Variants in LCLAT1 observed in about 807,000 individuals in gnomAD.
LCLAT1 encodes 1-AGP acyltransferase 8.
Under a neutral mutation model 30.7 loss-of-function variants are expected in LCLAT1, and 11 were observed. The ratio of observed to expected loss-of-function variants is 0.36; its 90% CI spans 0.23 to 0.59. The LOEUF (loss-of-function observed/expected upper bound fraction) is 0.59. LCLAT1 is among the 20% of genes least tolerant of loss of function. LCLAT1 has a pLI of 0.77. For missense variants in LCLAT1, 402 were observed against 458.6 expected (o/e 0.88, Z 1.13); for synonymous variants, 155 against 151.3 (o/e 1.02, Z -0.18).
intron 5 of LCLAT1, among the ~76,000 whole-genome samples, chr2:30,586,584 T>C (rs181536802): frequency 2.6e-5 from 4 of 152,342 alleles, no homozygotes; most frequent in Non-Finnish European, 4.4e-5. Context: ...AAAGTCACAT[T>C]CTGGGGTTCC....
At chr2:30,542,774 A>C (rs1664203583) in intron 3 of LCLAT1, among the ~76,000 whole-genome samples, 1 of 152,060 alleles carries the variant, frequency 6.6e-6, no homozygotes, top group South Asian at 2.1e-4. Flanking sequence ...AGTTGTTTTA[A>C]GTTTTTACTT....
At chr2:30,491,490 A>G (rs1388361243) in intron 1 of LCLAT1, among the ~76,000 whole-genome samples, 1 of 152,126 alleles carries the variant, frequency 6.6e-6, no homozygotes, top group Non-Finnish European at 1.5e-5. Context: ...TTGCCTCCAG[A>G]GCCTGTTCTG....
At chr2:30,448,190 CT>C (rs1681361748) in intron 1 of LCLAT1, among the ~76,000 whole-genome samples, 1 of 152,144 alleles carries the variant, frequency 6.6e-6, no homozygotes, top group African/African-American at 2.4e-5. Flanking sequence ...ATTGAAGTCA[CT>C]TTAAGTCCAA....
intron 1 of LCLAT1, among the ~76,000 whole-genome samples, chr2:30,518,181 A>C (rs1685282924): frequency 6.6e-6 from 1 of 152,238 alleles, no homozygotes; most frequent in East Asian, 1.9e-4. Flanking sequence ...CTTTAGAAAA[A>C]GATGATTTAA....
At chr2:30,621,642 C>T (rs557279103) in intron 5 of LCLAT1, among the ~76,000 whole-genome samples, 6 of 152,064 alleles carry the variant, frequency 3.9e-5, no homozygotes, top group African/African-American at 1.2e-4. Context: ...AAGGGGAACC[C>T]GAAGGTCCAG....
chr2:30,640,506 A>C lies in LCLAT1; in HGVS notation c.1018A>C (p.Ile340Leu). 4 of 1,614,164 alleles carry C rather than the reference A, an allele frequency of 2.5e-6. No individual in the cohort carries two copies. The highest frequency in any genetic ancestry group is 3.4e-6 in the Non-Finnish European group (4 of 1,180,004). The change falls in exon 6 of 6, where the codon ATT becomes CTT. Residue 340 changes from isoleucine (I) to leucine (L), a missense_variant. Physicochemically the swap from Ile to Leu is conservative, Grantham distance 5. Transcript: ENST00000379509. The part of the protein sequence containing the change: ...SLVKWYFIIT[I>L]VIFVLQERIF... ...TGTTAAGTGGTATTTTATAATCACCATTGTAATCTTTGTGCTGCAAGAGAG... is the reference window on the plus strand; with the variant it reads ...TGTTAAGTGGTATTTTATAATCACCCTTGTAATCTTTGTGCTGCAAGAGAG...
rs532287538 is a variant in LCLAT1, at chr2:30,606,273, T to G, written c.629-33844T>G. On this transcript the variant is annotated intron_variant, in intron 5 of 5. Transcript: ENST00000379509. ...ATATGGAACCAACAAAAAGCCCATA[T>G]AGCCAAGACAATCTTAAGCAAAAAG... 1.0e-3 allele frequency: 332 copies of G among 316,532 alleles called. 3 individuals carry two copies. Among genetic ancestry groups the G allele is most frequent in the South Asian group, 1.6e-3 (67 of 41,626 alleles). 19.6% of individuals were successfully genotyped at this position (316,532 alleles called of 1,614,324 possible). A position where few individuals can be genotyped will look rare whatever the true frequency, so the allele number is the denominator to read the frequency against.
At chr2:30,553,607 A>T (rs1664779435) in intron 3 of LCLAT1, among the ~76,000 whole-genome samples, 1 of 151,800 alleles carries the variant, frequency 6.6e-6, no homozygotes, top group Non-Finnish European at 1.5e-5. Flanking sequence ...TGAGGTCAGG[A>T]GATCGAGACC....
intron 5 of LCLAT1, among the ~76,000 whole-genome samples, chr2:30,635,129 G>T (rs1668960667): frequency 6.6e-6 from 1 of 152,134 alleles, no homozygotes; most frequent in South Asian, 2.1e-4. Flanking sequence ...GCCAGAAGTG[G>T]TGGCTCACAT....
intron 5 of LCLAT1, among the ~76,000 whole-genome samples, chr2:30,604,920 G>T (rs1667361697): frequency 6.6e-6 from 1 of 152,156 alleles, no homozygotes; most frequent in Admixed American, 6.6e-5. Context: ...TGCCTGCCAG[G>T]AAAAAGGCTG....
chr2:30,484,199 C>A (rs1683456194), intron 1 of LCLAT1, among the ~76,000 whole-genome samples: 1 of 152,112 alleles, frequency 6.6e-6, no homozygotes, highest in Admixed American at 6.6e-5. Context: ...TTAATTGCTT[C>A]AAAAACTCAA....
At chr2:30,503,382 C>T (rs1684492299) in intron 1 of LCLAT1, among the ~76,000 whole-genome samples, 1 of 152,172 alleles carries the variant, frequency 6.6e-6, no homozygotes, top group Non-Finnish European at 1.5e-5. Flanking sequence ...GTTTTCATTT[C>T]ACTTGGATTT....
chr2:30,585,864 C>T (rs1049533683), intron 5 of LCLAT1, among the ~76,000 whole-genome samples: 1 of 152,152 alleles, frequency 6.6e-6, no homozygotes, highest in South Asian at 2.1e-4. Context: ...AGAAAATCCC[C>T]TAAACCATGC....
chr2:30,591,590 G>C (rs976269430), intron 5 of LCLAT1, among the ~76,000 whole-genome samples: 4 of 152,076 alleles, frequency 2.6e-5, no homozygotes, highest in African/African-American at 9.7e-5. Context: ...CATGTTATGT[G>C]TGTTATATTA....
intron 1 of LCLAT1, among the ~76,000 whole-genome samples, chr2:30,505,473 A>G (rs746389415): frequency 6.6e-6 from 1 of 151,994 alleles, no homozygotes; most frequent in Non-Finnish European, 1.5e-5. Flanking sequence ...TGAACAGCAT[A>G]TGTCTAATTA....
At chr2:30,480,765 A>G (rs1255778186) in intron 1 of LCLAT1, among the ~76,000 whole-genome samples, 1 of 152,114 alleles carries the variant, frequency 6.6e-6, no homozygotes, top group African/African-American at 2.4e-5. Flanking sequence ...GGTTGGGGAA[A>G]ATTCGAGCTC....
intron 3 of LCLAT1, among the ~76,000 whole-genome samples, chr2:30,560,755 G>A (rs1358398734): frequency 6.6e-6 from 1 of 152,178 alleles, no homozygotes; most frequent in Admixed American, 6.5e-5. Context: ...TGTTTGCAAG[G>A]AACTGCCAGC....
At chr2:30,500,851 C>A (rs1416130061) in intron 1 of LCLAT1, among the ~76,000 whole-genome samples, 2 of 152,110 alleles carry the variant, frequency 1.3e-5, no homozygotes, top group African/African-American at 4.8e-5. Context: ...GGGCTTAAAA[C>A]CTGAGACAGT....
Position 30,595,194 on chromosome 2 carries a change from A to G in LCLAT1, c.628+27018A>G, listed in dbSNP as rs192542811. On this transcript the variant is annotated intron_variant, in intron 5 of 5. Transcript: ENST00000379509. ...CCAGTCTCTTACCTCTTTTCTTTCT[A>G]GGGACTGCTCTGTAATATGTTATTA... Among the ~76,000 whole-genome samples, 693 of 152,132 alleles carry G rather than the reference A, an allele frequency of 4.6e-3. 13 individuals are homozygous for G. The highest frequency in any genetic ancestry group is 3.4e-3 in the Non-Finnish European group (229 of 67,974).
Sources: allele counts gnomAD v4.1 joint callset (sites outside exome capture counted in the v4.1 genomes callset), GRCh38; gene constraint gnomAD v4.1.1; transcripts MANE v1.5; gene names NCBI Gene and HGNC (gene_info 2026-07-23, HGNC 2026-07-21).